MIB2: variants seen among roughly 807,000 people sequenced by gnomAD.
The protein encoded by MIB2 is MIB E3 ubiquitin protein ligase 2, also known as E3 ubiquitin-protein ligase MIB2.
MIB2 carries 78 observed loss-of-function variants against 96.6 expected under a neutral mutation model. That is an observed-to-expected ratio of 0.81 (90% CI 0.67 to 0.97). The LOEUF (loss-of-function observed/expected upper bound fraction) is 0.97, where lower values mean the gene tolerates loss of function less well. MIB2 is among the 50% of genes least tolerant of loss of function. The pLI, the probability that MIB2 is intolerant of heterozygous loss-of-function variation, is 0.00. For missense variants in MIB2, 1,543 were observed against 1,424.0 expected, an observed-to-expected ratio of 1.08 and a Z score of -1.35; for synonymous variants, 820 against 629.5, an observed-to-expected ratio of 1.30 and a Z score of -4.53.
At position 1,626,522 on chromosome 1, in the gene MIB2, C is replaced by T. The variant is rs1470134326; in HGVS notation, c.973-128C>T. ...CAGAGCCTCTGGCAGTGCCTGGGGT[C>T]GGGGTCGGGGCCGGGGCCGAGTCAG... On this transcript the variant is annotated intron_variant, in intron 8 of 19. Transcript: ENST00000355826. This position sits in a 1 kb window ranked among gnomAD's most constrained non-coding sequence, Gnocchi z 5.3. 13 of 754,978 alleles carry T rather than the reference C, an allele frequency of 1.7e-5. No homozygotes were observed. The highest frequency in any genetic ancestry group is 7.1e-5 in the African/African-American group (4 of 56,536). 46.8% of individuals were successfully genotyped at this position (754,978 alleles called of 1,614,324 possible). A position where few individuals can be genotyped will look rare whatever the true frequency, so the allele number is the denominator to read the frequency against.
At chr1:1,628,951 G>C in intron 16 of MIB2, 182 bp from the exon 17 acceptor site, 1 of 732,548 alleles carries the variant, frequency 1.4e-6, no homozygotes. Context: ...TGGAGCTTAG[G>C]GTCTCAGAGC....
At chr1:1,616,694 A>G (rs2100298850) in intron 2 of MIB2, 80 bp downstream of exon 2, 2 of 1,159,688 alleles carry the variant, frequency 1.7e-6, no homozygotes, top group Non-Finnish European at 2.5e-6. Context: ...CACGTCAGAG[A>G]GGCTGTGTTT....
At chr1:1,620,794 C>G (rs1016717802) in intron 2 of MIB2, among the ~76,000 whole-genome samples, 1 of 152,264 alleles carries the variant, frequency 6.6e-6, no homozygotes, top group African/African-American at 2.4e-5. Flanking sequence ...GCCTGCCCCC[C>G]AGCTGGTGGC....
chr1:1,623,932 G>T lies in MIB2; in HGVS notation c.406G>T (p.Ala136Ser). 6.2e-7 allele frequency: 1 copy of T among 1,606,994 alleles called. No individual in the cohort carries two copies. Among genetic ancestry groups the T allele is most frequent in the Non-Finnish European group, 8.5e-7 (1 of 1,175,796 alleles). ...CCACGCCTTCGACCGCTACGAGACC[G>T]CTCACTCGCGCCCGTGAGTCCCGGG... is the stretch of plus-strand genomic sequence containing the variant. ...LAHAFDRYET[A>S]HSRPVTLSPR... Residue 136 changes from alanine to serine, a missense_variant, in exon 4 of 20, where the codon GCT (alanine) becomes TCT (serine). Transcript: ENST00000355826.
chr1:1,628,856 G>C (rs931957813), intron 16 of MIB2, 134 bp downstream of exon 16: 1 of 855,240 alleles, frequency 1.2e-6, no homozygotes, highest in Non-Finnish European at 1.8e-6. Flanking sequence ...GGGTGGAGCA[G>C]ATGGGAGCCA....
chr1:1,618,147 C>G (rs1028753443), intron 2 of MIB2: 1 of 152,682 alleles, frequency 6.5e-6, no homozygotes, highest in African/African-American at 2.4e-5. Context: ...TCTGGGAAAC[C>G]TTGGCCAGGT....
In MIB2 at chr1:1,625,292, C is replaced by T. The variant is rs755009511; in HGVS notation, c.728C>T (p.Pro243Leu). ...YKDHLPRLGK[P>L]AELQRRVSAD... ...GGTCTGCCACCCTCCGCAGGCAAGCCGGCGGAGCTGCAGCGCAGGGTGAGT... is the reference window on the plus strand; with the variant it reads ...GGTCTGCCACCCTCCGCAGGCAAGCTGGCGGAGCTGCAGCGCAGGGTGAGT... Residue 243 changes from proline (P) to leucine (L), a missense_variant, in exon 7 of 20, where the codon CCG becomes CTG. Transcript: ENST00000355826. This position sits in a 1 kb window ranked among gnomAD's most constrained non-coding sequence, Gnocchi z 5.0. 1.1e-5 allele frequency: 18 copies of T among 1,589,102 alleles called. No homozygotes were observed. The highest frequency in any genetic ancestry group is 2.3e-5 in the South Asian group (2 of 88,750).
intron 1 of MIB2, 54 bp downstream of exon 1, chr1:1,615,687 T>G: frequency 6.6e-7 from 1 of 1,526,384 alleles, no homozygotes; most frequent in Non-Finnish European, 8.8e-7. Flanking sequence ...CCCCGAGTCG[T>G]TCTCCGCTCT....
In MIB2 at chr1:1,625,725, G is replaced by A. The variant is rs1444762019; in HGVS notation, c.972+72G>A. On this transcript the variant is annotated intron_variant, in intron 8 of 19. Coordinates refer to ENST00000355826, the MANE Select transcript of MIB2 (RefSeq NM_001170687.4). This position sits in a 1 kb window ranked among gnomAD's most constrained non-coding sequence, Gnocchi z 5.0. ...CCTTCCACGTACCCCCTTGGCCTTG[G>A]GGGGTCAGGCAGGACTAGGGTGCCA... 4 of 1,331,304 alleles carry A rather than the reference G, an allele frequency of 3.0e-6. No homozygotes were observed. Among genetic ancestry groups the A allele is most frequent in the Non-Finnish European group, 4.2e-6 (4 of 956,764 alleles). 82.5% of individuals were successfully genotyped at this position (1,331,304 alleles called of 1,614,324 possible).
chr1:1,626,703 A>C lies in MIB2; in HGVS notation c.1026A>C (p.Thr342=). 6.2e-7 allele frequency: 1 copy of C among 1,601,476 alleles called. No homozygotes were observed. Among genetic ancestry groups the C allele is most frequent in the Non-Finnish European group, 8.5e-7 (1 of 1,173,672 alleles). Residue 342 remains threonine (T), a synonymous_variant, in exon 9 of 20, where the codon ACA becomes ACC. Transcript: ENST00000355826. The surrounding 1 kb of genome is among the most constrained non-coding windows in gnomAD (Gnocchi z 5.3). ...DVVRVIGDLD[T]VKRLQAGHGE... is the part of the protein sequence containing the mutation. The stretch of plus-strand genomic sequence containing the variant: ...TCCGGGTCATCGGCGACCTTGACAC[A>C]GTGAAGCGGCTGCAGGCTGGGCATG...
At chr1:1,629,861 C>T (rs1351381917) in intron 19 of MIB2, among the ~76,000 whole-genome samples, 157 bp downstream of exon 19, 2 of 142,646 alleles carry the variant, frequency 1.4e-5, no homozygotes, top group East Asian at 2.1e-4. Flanking sequence ...CAGCCCCCAG[C>T]CCCCAGCCCC....
At chr1:1,615,982 T>A (rs1643602521) in intron 1 of MIB2, 1 of 984,836 alleles carries the variant, frequency 1.0e-6, no homozygotes, top group Admixed American at 6.2e-5. Flanking sequence ...CGCTGAGCAG[T>A]CGGGGCCGGT....
Position 1,627,000 on chromosome 1 carries a change from G to C in MIB2, c.1240+1G>C. 6.2e-7 allele frequency: 1 copy of C among 1,610,924 alleles called. No individual in the cohort carries two copies. Among genetic ancestry groups the C allele is most frequent in the South Asian group, 1.1e-5 (1 of 90,784 alleles). Reference sequence around the variant, plus strand: ...GCCGAGCGCGCCCGGGAGAACAAAAGTGCGGCACAGCTCAGGCGGCCAGTG... The same window carrying C: ...GCCGAGCGCGCCCGGGAGAACAAAACTGCGGCACAGCTCAGGCGGCCAGTG... On this transcript the variant is annotated splice_donor_variant, in intron 10 of 19. Coordinates refer to ENST00000355826, the MANE Select transcript of MIB2 (RefSeq NM_001170687.4). LOFTEE classifies it high-confidence loss of function. This position sits in a 1 kb window ranked among gnomAD's most constrained non-coding sequence, Gnocchi z 5.3.
chr1:1,615,733 C>A, intron 1 of MIB2, 100 bp downstream of exon 1: 4 of 1,486,322 alleles, frequency 2.7e-6, no homozygotes, highest in Non-Finnish European at 2.7e-6. Context: ...CCCGCTCCCG[C>A]TGGCCCAGCA....
Position 1,625,545 on chromosome 1 carries a change from G to A in MIB2, c.865-1G>A. The A allele has an allele frequency of 6.4e-7, 1 of 1,573,558 alleles. No homozygotes were observed. Among genetic ancestry groups the A allele is most frequent in the Non-Finnish European group, 8.6e-7 (1 of 1,159,616 alleles). On this transcript the variant is annotated splice_acceptor_variant, in intron 7 of 19. Coordinates refer to ENST00000355826, the MANE Select transcript of MIB2 (RefSeq NM_001170687.4). LOFTEE classifies it high-confidence loss of function. The surrounding 1 kb of genome is among the most constrained non-coding windows in gnomAD (Gnocchi z 5.0). ...AGCCACAGCTCCATGACCCGCCACA[G>A]TTTATCGGACAGACGGGCACCGTGC... is the stretch of plus-strand genomic sequence containing the variant.
Position 1,627,522 on chromosome 1 carries a change from C to T in MIB2, c.1523+78C>T, listed in dbSNP as rs1000762972. On this transcript the variant is annotated intron_variant, in intron 12 of 19. Coordinates refer to ENST00000355826, the MANE Select transcript of MIB2 (RefSeq NM_001170687.4). ...TGAGGCCTGGGAGGGGCCCGGCCGG[C>T]GGGGCTGAGCCTGTGCGTCCTGGGG... 4.9e-5 allele frequency: 74 copies of T among 1,497,362 alleles called. 1 individual carries two copies. Among genetic ancestry groups the T allele is most frequent in the East Asian group, 4.8e-5 (2 of 41,728 alleles). The allele number at this position is 1,497,362 out of a possible 1,614,324, so 92.8% of individuals were successfully genotyped here.
intron 5 of MIB2, 35 bp from the exon 6 acceptor site, chr1:1,624,956 C>T (rs1644598411): frequency 6.2e-7 from 1 of 1,605,110 alleles, no homozygotes; most frequent in East Asian, 2.2e-5. Context: ...GCTCATGGCT[C>T]AGCCTTAGCC....
intron 1 of MIB2, chr1:1,616,233 T>G: frequency 2.0e-6 from 1 of 500,686 alleles, no homozygotes; most frequent in Non-Finnish European, 2.6e-6. Context: ...GGCCCGCCCG[T>G]TCCCCTGCGC....
rs1012465371 is a variant in MIB2, at chr1:1,624,036, C to T, written c.419+91C>T. The stretch of plus-strand genomic sequence containing the variant: ...CTTCGGGGAGGGTGCTGCCTCCTGA[C>T]CGCTCCCAGGAAGACGGAGCAAGTC... On this transcript the variant is annotated intron_variant, in intron 4 of 19. Transcript: ENST00000355826. 4 of 1,403,238 alleles carry T rather than the reference C, an allele frequency of 2.9e-6. No individual in the cohort carries two copies. The African/African-American group carries it at 4.3e-5, about 15-fold the overall frequency. The allele number at this position is 1,403,238 out of a possible 1,614,324, so 86.9% of individuals were successfully genotyped here.
Sources: gnomAD v4.1 joint callset for allele counts (sites outside exome capture counted in the v4.1 genomes callset) on GRCh38, gnomAD v4.1.1 for gene constraint, Gnocchi (gnomAD v3.1) non-coding constraint, MANE v1.5 for transcripts, NCBI Gene and HGNC (gene_info 2026-07-23, HGNC 2026-07-21) for gene names.